Variants in ASB5 observed in about 807,000 individuals in gnomAD.
The protein encoded by ASB5 is ankyrin repeat and SOCS box protein 5.
Under a neutral mutation model 42.1 loss-of-function variants are expected in ASB5, and 45 were observed. The observed-to-expected ratio is 1.07, with a 90% CI of 0.84 to 1.37. The LOEUF is 1.37. ASB5 is among the 40% of genes most tolerant of loss of function. The probability of loss-of-function intolerance (pLI) is 0.00; values close to 1 mark genes in which losing one functional copy is unlikely to be tolerated. For synonymous variants in ASB5, 147 were observed against 150.6 expected, an observed-to-expected ratio of 0.98 and a Z score of 0.18; for missense variants, 402 against 399.8, an observed-to-expected ratio of 1.01 and a Z score of -0.05.
At chr4:176,216,330 T>C (rs1752967992) in intron 6 of ASB5, among the ~76,000 whole-genome samples, 2 of 152,152 alleles carry the variant, frequency 1.3e-5, no homozygotes, top group African/African-American at 4.8e-5. Flanking sequence ...TTAGGTAAGA[T>C]GAAAGAGAAA....
At chr4:176,254,086 A>C (rs1253612340) in intron 1 of ASB5, among the ~76,000 whole-genome samples, 1 of 152,222 alleles carries the variant, frequency 6.6e-6, no homozygotes, top group African/African-American at 2.4e-5. Flanking sequence ...CTATGGAACC[A>C]AAAAAGAGCC....
chr4:176,244,966 A>T (rs72708305), intron 1 of ASB5, among the ~76,000 whole-genome samples: 17,175 of 151,596 alleles, frequency 0.11, 997 homozygotes, highest in African/African-American at 0.12. Context: ...CTCAACAACA[A>T]CAGCAACAAT....
At chr4:176,236,167 AT>A (rs11353930) in intron 1 of ASB5, among the ~76,000 whole-genome samples, 49,442 of 149,914 alleles carry the variant, frequency 0.33, 8,738 homozygotes, top group Non-Finnish European at 0.4. Context: ...AGTTTACTTA[AT>A]TTTTTTTTTT....
intron 1 of ASB5, among the ~76,000 whole-genome samples, chr4:176,258,742 T>G (rs1333752446): frequency 1.3e-5 from 2 of 152,204 alleles, no homozygotes; most frequent in Non-Finnish European, 2.9e-5. Context: ...TGTAGTCATT[T>G]TGTACATGCT....
intron 1 of ASB5, among the ~76,000 whole-genome samples, chr4:176,249,237 G>A (rs1753972844): frequency 6.6e-6 from 1 of 152,246 alleles, no homozygotes; most frequent in South Asian, 2.1e-4. Context: ...AAAGTGTTGG[G>A]ATTACAGGCG....
intron 1 of ASB5, among the ~76,000 whole-genome samples, chr4:176,257,350 C>T (rs1215058323): frequency 2.0e-5 from 3 of 152,178 alleles, no homozygotes; most frequent in Non-Finnish European, 4.4e-5. Context: ...GAAAACATTT[C>T]TGTTTGAAGA....
intron 1 of ASB5, among the ~76,000 whole-genome samples, chr4:176,241,960 C>A (rs549357320): frequency 6.6e-6 from 1 of 152,240 alleles, no homozygotes; most frequent in East Asian, 1.9e-4. Context: ...AAAGGGTGGC[C>A]TTCACCACAA....
chr4:176,234,713 G>T (rs953776964), intron 1 of ASB5, among the ~76,000 whole-genome samples: 5 of 152,150 alleles, frequency 3.3e-5, no homozygotes, highest in Admixed American at 3.3e-4. Context: ...ATGGAGCTTT[G>T]TAATGGGGTT....
rs1752941173 is a variant in ASB5, at chr4:176,215,496, C to T, written c.*104G>A. ...TTTACTGCTTCCCTGGGTGATCTCA[C>T]ACTCACTTTTATCCTATCTTTAGCA... On this transcript the variant is annotated 3_prime_UTR_variant, in exon 7 of 7. Coordinates refer to ENST00000296525, the MANE Select transcript of ASB5 (RefSeq NM_080874.4). The T allele has an allele frequency of 1.7e-6, 2 of 1,205,516 alleles. No homozygotes were observed. The highest frequency in any genetic ancestry group is 3.3e-5 in the South Asian group (2 of 60,954). 74.7% of individuals were successfully genotyped at this position (1,205,516 alleles called of 1,614,324 possible).
chr4:176,276,427 G>T (rs1400999555), intron 1 of ASB5, among the ~76,000 whole-genome samples: 1 of 152,204 alleles, frequency 6.6e-6, no homozygotes, highest in African/African-American at 2.4e-5. Flanking sequence ...CTGGTGTTAG[G>T]AAATATATCC....
chr4:176,269,219 TG>T lies in ASB5; in HGVS notation c.-112del. On this transcript the variant is annotated 5_prime_UTR_variant, in exon 1 of 7. Transcript: ENST00000296525. ...GGTCCTGAGGAAAGAAAATATCAGCTGGTAGTGATGCCTACAGCTCAAAATA... is the reference window on the plus strand; with the variant it reads ...GGTCCTGAGGAAAGAAAATATCAGCTGTAGTGATGCCTACAGCTCAAAATA... 1.1e-6 allele frequency: 1 copy of T among 873,700 alleles called. No individual in the cohort carries two copies. The highest frequency in any genetic ancestry group is 1.7e-5 in the African/African-American group (1 of 58,242). 54.1% of individuals were successfully genotyped at this position (873,700 alleles called of 1,614,324 possible). A position where few individuals can be genotyped will look rare whatever the true frequency, so the allele number is the denominator to read the frequency against.
chr4:176,259,076 CA>C (rs1294675393), intron 1 of ASB5, among the ~76,000 whole-genome samples: 10 of 151,886 alleles, frequency 6.6e-5, no homozygotes, highest in African/African-American at 2.4e-4. Flanking sequence ...GCATTTTCAT[CA>C]TAACTATGGT....
intron 5 of ASB5, among the ~76,000 whole-genome samples, chr4:176,219,884 A>G (rs1220422404): frequency 1.3e-5 from 2 of 151,818 alleles, no homozygotes; most frequent in African/African-American, 4.8e-5. Context: ...TGTTTGGTGG[A>G]AAGAATAATA....
intron 1 of ASB5, among the ~76,000 whole-genome samples, chr4:176,264,908 G>A (rs1264938410): frequency 6.6e-6 from 1 of 151,376 alleles, no homozygotes; most frequent in Non-Finnish European, 1.5e-5. Flanking sequence ...TTTATTTTTT[G>A]TTGTCATTCT....
intron 1 of ASB5, among the ~76,000 whole-genome samples, chr4:176,233,754 C>T (rs1753613652): frequency 6.6e-6 from 1 of 152,116 alleles, no homozygotes; most frequent in Non-Finnish European, 1.5e-5. Flanking sequence ...CCTTCTAGTG[C>T]CATGAACATA....
At chr4:176,247,402 A>G (rs191929310) in intron 1 of ASB5, among the ~76,000 whole-genome samples, 63 of 152,362 alleles carry the variant, frequency 4.1e-4, no homozygotes, top group Middle Eastern at 3.4e-3. Context: ...GAAAAAATAG[A>G]AGAATGTGGG....
intron 2 of ASB5, among the ~76,000 whole-genome samples, chr4:176,275,204 C>T (rs1392006534): frequency 3.3e-5 from 5 of 152,184 alleles, no homozygotes; most frequent in Admixed American, 1.3e-4. Flanking sequence ...CATAAGCCTC[C>T]GCATCAGGCC....
chr4:176,257,557 C>G lies in ASB5; in HGVS notation c.196+11356G>C, dbSNP rs115712202. 3.1e-3 allele frequency among the ~76,000 whole-genome samples: 468 copies of G among 152,294 alleles called. 3 individuals are homozygous for G. The highest frequency in any genetic ancestry group is 0.01 in the African/African-American group (436 of 41,556). ...CAGAATGTCTTACTTTCCTTTGTAT[C>G]AGAGGGAGTACCTGCAAAAACATAC... On this transcript the variant is annotated intron_variant, in intron 1 of 6. Coordinates refer to ENST00000296525, the MANE Select transcript of ASB5 (RefSeq NM_080874.4).
intron 1 of ASB5, among the ~76,000 whole-genome samples, chr4:176,249,783 T>C (rs1264371526): frequency 2.6e-5 from 4 of 152,000 alleles, no homozygotes; most frequent in Admixed American, 2.6e-4. Context: ...GAAAGTGAGT[T>C]GGCCGGGCGC....
Sources: gnomAD v4.1 joint callset for allele counts (sites outside exome capture counted in the v4.1 genomes callset) on GRCh38, gnomAD v4.1.1 for gene constraint, MANE v1.5 for transcripts, NCBI Gene and HGNC (gene_info 2026-07-23, HGNC 2026-07-21) for gene names.